Variants in RBMS3 observed in about 807,000 individuals in gnomAD.
The protein encoded by RBMS3 is RNA-binding motif, single-stranded-interacting protein 3.
In RBMS3, 27 loss-of-function variants were observed where a neutral mutation model predicts 66.8. The ratio of observed to expected loss-of-function variants is 0.40; its 90% CI spans 0.30 to 0.56. The LOEUF (loss-of-function observed/expected upper bound fraction) is 0.56, where lower values mean the gene tolerates loss of function less well. RBMS3 is among the 20% of genes least tolerant of loss of function. The probability of loss-of-function intolerance (pLI) is 0.40; values close to 1 mark genes in which losing one functional copy is unlikely to be tolerated. For synonymous variants in RBMS3, 188 were observed against 183.0 expected, an observed-to-expected ratio of 1.03 and a Z score of -0.22; for missense variants, 513 against 549.5, an observed-to-expected ratio of 0.93 and a Z score of 0.66.
chr3:29,595,430 A>AAAAGAAAC (rs2047913578), intron 4 of RBMS3, among the ~76,000 whole-genome samples: 1 of 151,812 alleles, frequency 6.6e-6, no homozygotes, highest in African/African-American at 2.4e-5. Flanking sequence ...AGAAAGAAAG[A>AAAAGAAAC]AAAGAAACAT....
chr3:29,430,294 G>A (rs12630203), intron 1 of RBMS3, among the ~76,000 whole-genome samples: 16,346 of 151,984 alleles, frequency 0.11, 1,196 homozygotes, highest in East Asian at 0.29. Flanking sequence ...CAATAACACC[G>A]AGAAAATCGA....
chr3:29,669,392 T>C (rs536065760), intron 4 of RBMS3, among the ~76,000 whole-genome samples: 25 of 152,298 alleles, frequency 1.6e-4, no homozygotes, highest in African/African-American at 6.0e-4. Context: ...AGTTGCCTCA[T>C]TTTACAGTAG....
At chr3:29,726,143 C>T (rs911891320) in intron 4 of RBMS3, among the ~76,000 whole-genome samples, 10 of 152,144 alleles carry the variant, frequency 6.6e-5, no homozygotes, top group East Asian at 1.9e-4. Context: ...AAAACGCCTT[C>T]GATAAAATTC....
chr3:29,702,041 T>C (rs1421885105), intron 4 of RBMS3, among the ~76,000 whole-genome samples: 3 of 152,210 alleles, frequency 2.0e-5, no homozygotes, highest in Admixed American at 2.0e-4. Context: ...TATGTCTAGC[T>C]AAAGGTTTGT....
intron 1 of RBMS3, among the ~76,000 whole-genome samples, chr3:29,323,884 G>A (rs2035162366): frequency 6.6e-6 from 1 of 151,534 alleles, no homozygotes. Context: ...GCCACTGTAG[G>A]GATTTTTGGA....
At chr3:29,811,548 G>A (rs766419308) in intron 6 of RBMS3, among the ~76,000 whole-genome samples, 53 of 152,286 alleles carry the variant, frequency 3.5e-4, no homozygotes, top group Admixed American at 7.9e-4. Flanking sequence ...ACATTCTAAG[G>A]TCTCATAGGA....
In RBMS3 at chr3:29,647,754, T is replaced by C. The variant is rs1341146391; in HGVS notation, c.399+60549T>C. Among the ~76,000 whole-genome samples the C allele has an allele frequency of 3.3e-5, 5 of 152,322 alleles. No homozygotes were observed. The East Asian group carries it at 9.6e-4, about 29-fold the overall frequency. ...TAGCACTCTGATATAGGCATATGAT[T>C]CCTGCCATGATGTTGTTTAACTAAT... On this transcript the variant is annotated intron_variant, in intron 4 of 14. Coordinates refer to ENST00000383767, the MANE Select transcript of RBMS3 (RefSeq NM_001003793.3).
At chr3:29,953,198 G>A (rs1244253840) in intron 12 of RBMS3, among the ~76,000 whole-genome samples, 1 of 151,892 alleles carries the variant, frequency 6.6e-6, no homozygotes, top group African/African-American at 2.4e-5. Flanking sequence ...TGGAAATGAG[G>A]GGCAATTGAA....
At chr3:29,923,270 G>A (rs1403330610) in intron 10 of RBMS3, among the ~76,000 whole-genome samples, 2 of 152,186 alleles carry the variant, frequency 1.3e-5, no homozygotes, top group African/African-American at 4.8e-5. Context: ...TGACAATGGA[G>A]CTATTTCCAC....
intron 3 of RBMS3, among the ~76,000 whole-genome samples, chr3:29,585,175 T>A (rs1235312379): frequency 6.6e-6 from 1 of 152,152 alleles, no homozygotes; most frequent in Non-Finnish European, 1.5e-5. Context: ...AATAAGCCGA[T>A]GAACGGATGA....
intron 1 of RBMS3, among the ~76,000 whole-genome samples, chr3:29,374,185 C>T (rs750602058): frequency 3.3e-5 from 5 of 152,174 alleles, no homozygotes; most frequent in Non-Finnish European, 7.3e-5. Context: ...GAAGAAGAGA[C>T]TAACATTGTG....
At chr3:29,722,270 A>C (rs918831223) in intron 4 of RBMS3, among the ~76,000 whole-genome samples, 1 of 151,956 alleles carries the variant, frequency 6.6e-6, no homozygotes, top group South Asian at 2.1e-4. Flanking sequence ...TTTTCACCCA[A>C]ATTTTCCACG....
rs534418327 is a variant in RBMS3 at position 29,477,472 on chromosome 3, CAAACAA to C, written c.249-10967_249-10962del. ...GGGATATAACAAACAAACAAACAAACAAACAAACAAAATTATGCTCTGCTCTTGAAG... is the reference window on the plus strand; with the variant it reads ...GGGATATAACAAACAAACAAACAAACACAAAATTATGCTCTGCTCTTGAAG... On this transcript the variant is annotated intron_variant, in intron 2 of 14. Transcript: ENST00000383767. Among the ~76,000 whole-genome samples the C allele has an allele frequency of 1.6e-3, 246 of 152,100 alleles. 1 individual carries two copies. Among genetic ancestry groups the C allele is most frequent in the African/African-American group, 5.8e-3 (240 of 41,492 alleles).
chr3:29,815,316 A>G (rs895368385), intron 6 of RBMS3, among the ~76,000 whole-genome samples: 1 of 152,158 alleles, frequency 6.6e-6, no homozygotes, highest in Admixed American at 6.6e-5. Context: ...ACCCTGCAGC[A>G]ATTATTATTT....
intron 4 of RBMS3, among the ~76,000 whole-genome samples, chr3:29,658,006 C>T (rs2050385058): frequency 6.6e-6 from 1 of 152,010 alleles, no homozygotes; most frequent in Non-Finnish European, 1.5e-5. Context: ...GTCTTTAGGC[C>T]GTAGAGTGTA....
intron 12 of RBMS3, among the ~76,000 whole-genome samples, chr3:29,987,531 T>C (rs1698471764): frequency 6.6e-6 from 1 of 152,140 alleles, no homozygotes; most frequent in African/African-American, 2.4e-5. Context: ...ATTTTAACAC[T>C]GATATGAGAA....
chr3:29,843,880 G>T (rs776064930), intron 6 of RBMS3, among the ~76,000 whole-genome samples: 1 of 151,826 alleles, frequency 6.6e-6, no homozygotes, highest in Non-Finnish European at 1.5e-5. Flanking sequence ...ACCGGGAAGC[G>T]GGCAGAGGTT....
intron 1 of RBMS3, among the ~76,000 whole-genome samples, chr3:29,401,799 T>C (rs536049420): frequency 6.6e-6 from 1 of 152,210 alleles, no homozygotes; most frequent in East Asian, 1.9e-4. Flanking sequence ...AGAAAAACTT[T>C]AGTGCTTAGG....
intron 2 of RBMS3, among the ~76,000 whole-genome samples, chr3:29,468,808 T>C (rs954643737): frequency 6.6e-6 from 1 of 152,078 alleles, no homozygotes; most frequent in African/African-American, 2.4e-5. Flanking sequence ...CTAATGTAAA[T>C]AAGCTACCTG....
Sources: gnomAD v4.1 joint callset for allele counts (sites outside exome capture counted in the v4.1 genomes callset) on GRCh38, gnomAD v4.1.1 for gene constraint, MANE v1.5 for transcripts, NCBI Gene and HGNC (gene_info 2026-07-23, HGNC 2026-07-21) for gene names.